BUD13: variants seen among roughly 807,000 people sequenced by gnomAD.
BUD13 encodes BUD13 spliceosome associated protein.
BUD13 carries 47 observed loss-of-function variants against 62.5 expected under a neutral mutation model. The ratio of observed to expected loss-of-function variants is 0.75; its 90% CI spans 0.60 to 0.96. The LOEUF is 0.96. Ranked by LOEUF, BUD13 falls within the 40% of genes least tolerant of loss-of-function variation. BUD13 has a pLI of 0.00. For missense variants in BUD13, 821 were observed against 790.9 expected (o/e 1.04, Z -0.46); for synonymous variants, 293 against 280.1 (o/e 1.05, Z -0.46).
intron 4 of BUD13, 108 bp downstream of exon 4, chr11:116,762,443 CAA>C: frequency 1.0e-6 from 1 of 1,004,726 alleles, no homozygotes; most frequent in Non-Finnish European, 1.4e-6. Context: ...TCTCACTTTT[CAA>C]AACTTTCCCA....
intron 6 of BUD13, among the ~76,000 whole-genome samples, chr11:116,758,844 G>A (rs570424853): frequency 1.3e-3 from 194 of 151,608 alleles, no homozygotes; most frequent in South Asian, 4.2e-3. Flanking sequence ...CACCCGCCTC[G>A]GCCTACCAAA....
chr11:116,772,713 A>G, intron 1 of BUD13, 109 bp downstream of exon 1: 1 of 1,357,230 alleles, frequency 7.4e-7, no homozygotes, highest in Non-Finnish European at 9.6e-7. Flanking sequence ...GGGTCGGCGG[A>G]GAAGCCGAGA....
chr11:116,770,389 C>G lies in BUD13; in HGVS notation c.144-167G>C, dbSNP rs959499047. ...CTACTGCTACTTCCTTGGTTGAACA[C>G]CTCCCTGGTCATCCTTTGGTGCTTA... On this transcript the variant is annotated intron_variant, in intron 1 of 9. Transcript: ENST00000260210. Among the ~76,000 whole-genome samples the G allele has an allele frequency of 2.6e-5, 4 of 152,230 alleles. No individual in the cohort carries two copies. In the East Asian group the frequency reaches 7.7e-4, roughly 29 times the overall value.
chr11:116,769,244 A>C (rs1427783721), intron 2 of BUD13, among the ~76,000 whole-genome samples: 1 of 152,116 alleles, frequency 6.6e-6, no homozygotes. Flanking sequence ...ATCTTTCAGG[A>C]TATCTCCCAA....
At chr11:116,757,318 T>G in intron 8 of BUD13, 91 bp from the exon 9 acceptor site, 2 of 1,153,790 alleles carry the variant, frequency 1.7e-6, no homozygotes, top group Non-Finnish European at 2.5e-6. Context: ...TTTTTTTTAG[T>G]AGAGTCTCAC....
intron 7 of BUD13, 40 bp from the exon 8 acceptor site, chr11:116,757,990 G>T: frequency 1.2e-6 from 2 of 1,606,496 alleles, no homozygotes; most frequent in East Asian, 4.5e-5. Flanking sequence ...TATCCTGTAT[G>T]ACATTTCCAC....
At chr11:116,772,717 G>A (rs1940652895) in intron 1 of BUD13, 105 bp downstream of exon 1, 2 of 1,373,070 alleles carry the variant, frequency 1.5e-6, no homozygotes, top group Admixed American at 3.2e-5. Flanking sequence ...CGGCGGAGAA[G>A]CCGAGAGACC....
rs751595901 is a variant in BUD13 at position 116,757,966 on chromosome 11, C to T, written c.1500-16G>A. On this transcript the variant is annotated splice_polypyrimidine_tract_variant and intron_variant, in intron 7 of 9. Transcript: ENST00000260210. Reference sequence around the variant, plus strand: ...CTGGGCAAGCCTGGGCAAAAAGGAACCAAGAGTGTTTGCTATCCTGTATGA... The same window carrying T: ...CTGGGCAAGCCTGGGCAAAAAGGAATCAAGAGTGTTTGCTATCCTGTATGA... 1 of 1,612,584 alleles carries T rather than the reference C, an allele frequency of 6.2e-7. No individual in the cohort carries two copies. Among genetic ancestry groups the T allele is most frequent in the Non-Finnish European group, 8.5e-7 (1 of 1,179,722 alleles).
At chr11:116,751,862 G>C (rs1940241143) in intron 9 of BUD13, among the ~76,000 whole-genome samples, 1 of 152,324 alleles carries the variant, frequency 6.6e-6, no homozygotes, top group East Asian at 1.9e-4. Context: ...CTTTGGACCA[G>C]AGAATCAGGA....
intron 6 of BUD13, 73 bp downstream of exon 6, chr11:116,759,001 G>T: frequency 9.3e-7 from 1 of 1,072,412 alleles, no homozygotes; most frequent in African/African-American, 1.7e-5. Context: ...CAAAATATCA[G>T]GTACAATAAG....
intron 2 of BUD13, among the ~76,000 whole-genome samples, chr11:116,769,731 A>G (rs1565316452): frequency 6.6e-6 from 1 of 152,100 alleles, no homozygotes; most frequent in Non-Finnish European, 1.5e-5. Context: ...ACCCCCCTAC[A>G]AATCTACCCT....
At position 116,763,040 on chromosome 11, in the gene BUD13, G is replaced by C; in HGVS notation, c.549C>G (p.Asp183Glu). ...TCCTTGGGGGTGAAGTGTCTGAGGAGTCATGACGGATCCTCCTGGGAGGAG... is the reference window on the plus strand; with the variant it reads ...TCCTTGGGGGTGAAGTGTCTGAGGACTCATGACGGATCCTCCTGGGAGGAG... ...DTSPPRRIRHDSSDTSPPRRA... is the reference protein window; with the variant it reads ...DTSPPRRIRHESSDTSPPRRA... The change falls in exon 4 of 10, where the codon GAC (aspartate) becomes GAG (glutamate). Residue 183 changes from aspartate to glutamate, a missense_variant. Coordinates refer to ENST00000260210, the MANE Select transcript of BUD13 (RefSeq NM_032725.4). The C allele has an allele frequency of 1.9e-6, 3 of 1,612,330 alleles. No individual in the cohort carries two copies. Among genetic ancestry groups the C allele is most frequent in the Non-Finnish European group, 2.5e-6 (3 of 1,179,386 alleles).
At chr11:116,758,246 T>C (rs371917408) in intron 7 of BUD13, 23 bp downstream of exon 7, 8 of 1,613,036 alleles carry the variant, frequency 5.0e-6, no homozygotes, top group Non-Finnish European at 6.8e-6. Context: ...CCATCTTGTT[T>C]ACCCTTTCAG....
chr11:116,755,031 G>C (rs1940300261), intron 9 of BUD13, among the ~76,000 whole-genome samples: 1 of 152,164 alleles, frequency 6.6e-6, no homozygotes, highest in East Asian at 1.9e-4. Context: ...TGCCAATATA[G>C]AAACCAATCC....
At chr11:116,768,138 T>C (rs78908794) in intron 2 of BUD13, among the ~76,000 whole-genome samples, 5,703 of 152,214 alleles carry the variant, frequency 0.037, 177 homozygotes, top group East Asian at 0.13. Flanking sequence ...CCATACCCTT[T>C]GATCCACTCA....
chr11:116,759,031 A>AAC (rs56024416), intron 6 of BUD13, 43 bp downstream of exon 6: 25,597 of 1,408,464 alleles, frequency 0.018, 303 homozygotes, highest in East Asian at 0.15. Context: ...AAAAAAAAAA[A>AAC]CAGTATGAGC....
rs757772696 is a variant in BUD13 at position 116,770,094 on chromosome 11, C to CATT, written c.237+32_237+34dup. On this transcript the variant is annotated intron_variant, in intron 2 of 9. Transcript: ENST00000260210. ...AAAAAGGAAATTGAGAAGCTTGCTT[C>CATT]ATTTCAAAATCCTGACAGCCCCAAA... The CATT allele has an allele frequency of 2.1e-5, 29 of 1,356,544 alleles. No individual in the cohort carries two copies. The South Asian group carries it at 3.5e-4, about 16-fold the overall frequency. The allele number at this position is 1,356,544 out of a possible 1,614,324, so 84.0% of individuals were successfully genotyped here.
In BUD13 at chr11:116,763,000, A is replaced by G. The variant is rs780182251; in HGVS notation, c.589T>C (p.Ser197Pro). 12 of 1,613,436 alleles carry G rather than the reference A, an allele frequency of 7.4e-6. No individual in the cohort carries two copies. In the East Asian group the frequency reaches 2.7e-4, roughly 36 times the overall value. The change falls in exon 4 of 10, where the codon TCT becomes CCT. Residue 197 changes from serine (S) to proline (P), a missense_variant. This residue lies in a region of BUD13 where 800 missense variants were observed against 739.2 expected (regional missense o/e 1.08). Coordinates refer to ENST00000260210, the MANE Select transcript of BUD13 (RefSeq NM_032725.4). ...CTCCTTGGGGGAGAAGGATCTGGAG[A>G]ATCATGACGGGCCCTCCTTGGGGGT... is the stretch of plus-strand genomic sequence containing the variant. ...TSPPRRARHD[S>P]PDPSPPRRPQ...
At chr11:116,771,129 C>T (rs2134187029) in intron 1 of BUD13, among the ~76,000 whole-genome samples, 1 of 152,294 alleles carries the variant, frequency 6.6e-6, no homozygotes, top group Middle Eastern at 3.4e-3. Flanking sequence ...ATTTAACTTC[C>T]TTTGGCAAAC....
Sources: gnomAD v4.1 joint callset for allele counts (sites outside exome capture counted in the v4.1 genomes callset) on GRCh38, gnomAD v4.1.1 for gene constraint, gnomAD v4.1.1 regional missense constraint, MANE v1.5 for transcripts, NCBI Gene and HGNC (gene_info 2026-07-23, HGNC 2026-07-21) for gene names.